Variants in ZNF12 observed in about 807,000 individuals in gnomAD.
The protein encoded by ZNF12 is gonadotropin inducible transcription repressor 3.
In ZNF12, 34 loss-of-function variants were observed where a neutral mutation model predicts 66.6. That is an observed-to-expected ratio of 0.51 (90% confidence interval 0.39 to 0.68). ZNF12 has a LOEUF of 0.68. Ranked by LOEUF, ZNF12 falls within the 30% of genes least tolerant of loss-of-function variation. ZNF12 has a pLI of 0.00. For missense variants in ZNF12, 697 were observed against 826.9 expected, an observed-to-expected ratio of 0.84 and a Z score of 1.93; for synonymous variants, 320 against 278.9, an observed-to-expected ratio of 1.15 and a Z score of -1.47.
intron 4 of ZNF12, among the ~76,000 whole-genome samples, chr7:6,694,001 T>C (rs1356889044): frequency 1.3e-5 from 2 of 151,708 alleles, no homozygotes; most frequent in Non-Finnish European, 2.9e-5. Context: ...AACCCTGCTC[T>C]ACTAAAAATA....
At position 6,706,790 on chromosome 7, in the gene ZNF12, A is replaced by G. The variant is rs2115359791; in HGVS notation, c.-409T>C. Reference sequence around the variant, plus strand: ...GGTCGTGCTCGGGGATCCCCGCTTGAGCCTCCGCCTGGCCCGCACAGCCCC... The same window carrying G: ...GGTCGTGCTCGGGGATCCCCGCTTGGGCCTCCGCCTGGCCCGCACAGCCCC... On this transcript the variant is annotated 5_prime_UTR_variant, in exon 1 of 5. Transcript: ENST00000405858. 2 of 250,834 alleles carry G rather than the reference A, an allele frequency of 8.0e-6. No individual in the cohort carries two copies. The highest frequency in any genetic ancestry group is 6.6e-5 in the South Asian group (2 of 30,196). The allele number at this position is 250,834 out of a possible 1,614,324, so 15.5% of individuals were successfully genotyped here.
intron 4 of ZNF12, among the ~76,000 whole-genome samples, chr7:6,695,072 C>T (rs192790686): frequency 2.0e-5 from 3 of 152,192 alleles, no homozygotes; most frequent in Admixed American, 6.5e-5. Context: ...TACAGGCATG[C>T]GCCACCAGGC....
intron 2 of ZNF12, among the ~76,000 whole-genome samples, chr7:6,702,911 G>T (rs71524070): frequency 1 from 903 of 906 alleles, 450 homozygotes; most frequent in East Asian, 1. Context: ...ACCCCCTAGA[G>T]TGGTGTCCCA....
rs763749034 is a variant in ZNF12, at chr7:6,697,827, G to A, written c.16-16C>T. On this transcript the variant is annotated splice_polypyrimidine_tract_variant and intron_variant, in intron 2 of 4. Transcript: ENST00000405858. The surrounding 1 kb of genome is among the most constrained non-coding windows in gnomAD (Gnocchi z 6.1). ...ACACTGGCCCCTGAAATGGCACCGT[G>A]ATTGGAATTGGGTGACGTGAAATAG... The A allele has an allele frequency of 1.2e-6, 2 of 1,614,026 alleles. No individual in the cohort carries two copies. The highest frequency in any genetic ancestry group is 1.7e-6 in the Non-Finnish European group (2 of 1,180,016).
At position 6,691,171 on chromosome 7, in the gene ZNF12, C is replaced by G; in HGVS notation, c.1771G>C (p.Ala591Pro). 6.2e-7 allele frequency: 1 copy of G among 1,613,888 alleles called. No individual in the cohort carries two copies. Among genetic ancestry groups the G allele is most frequent in the African/African-American group, 1.3e-5 (1 of 74,966 alleles). The change falls in exon 5 of 5, where the codon GCC becomes CCC. Residue 591 changes from alanine (A) to proline (P), a missense_variant. Transcript: ENST00000405858. ...ECGKTFCQNS[A>P]LNRHQRTHTG... is the part of the protein sequence containing the mutation. The stretch of plus-strand genomic sequence containing the variant: ...TGTGTTCTCTGATGTCGATTAAGGG[C>G]TGAATTCTGGCAGAAGGTTTTCCCA...
Position 6,705,526 on chromosome 7 carries a change from C to A in ZNF12, c.-50-303G>T, listed in dbSNP as rs1439883507. Among the ~76,000 whole-genome samples the A allele has an allele frequency of 6.6e-6, 1 of 152,188 alleles. No homozygotes were observed. Among genetic ancestry groups the A allele is most frequent in the Non-Finnish European group, 1.5e-5 (1 of 68,042 alleles). ...TTAAAAAGGAATTCTGGTGACCAGC[C>A]TGGCCAACATGGTGAAACCCCATGT... is the stretch of plus-strand genomic sequence containing the variant. On this transcript the variant is annotated intron_variant, in intron 1 of 4. Coordinates refer to ENST00000405858, the MANE Select transcript of ZNF12 (RefSeq NM_016265.4). This position sits in a 1 kb window ranked among gnomAD's most constrained non-coding sequence, Gnocchi z 4.0.
Position 6,691,502 on chromosome 7 carries a change from G to A in ZNF12, c.1440C>T (p.Leu480=), listed in dbSNP as rs753887914. 3.7e-6 allele frequency: 6 copies of A among 1,613,318 alleles called. No homozygotes were observed. Among genetic ancestry groups the A allele is most frequent in the African/African-American group, 2.7e-5 (2 of 74,662 alleles). The change falls in exon 5 of 5, where the codon CTC becomes CTT. Residue 480 remains leucine, a synonymous_variant. Transcript: ENST00000405858. ...CTGTGTGCACTCTCTGATGTCTCAT[G>A]AGGGCTGAATTCAGGTAGAAGGTTT... ...CGKTFYLNSA[L]MRHQRVHTGE...
rs1780363768 is a variant in ZNF12 at position 6,706,646 on chromosome 7, G to A, written c.-265C>T. 3 of 395,372 alleles carry A rather than the reference G, an allele frequency of 7.6e-6. No individual in the cohort carries two copies. The highest frequency in any genetic ancestry group is 2.1e-5 in the African/African-American group (1 of 46,602). The allele number at this position is 395,372 out of a possible 1,614,324, so 24.5% of individuals were successfully genotyped here. A position where few individuals can be genotyped will look rare whatever the true frequency, so the allele number is the denominator to read the frequency against. On this transcript the variant is annotated 5_prime_UTR_variant, in exon 1 of 5. Coordinates refer to ENST00000405858, the MANE Select transcript of ZNF12 (RefSeq NM_016265.4). ...TCTCCCTGGGGCTCACCGTCCTGCG[G>A]AGCCGGGGCCGGGCCGTCGAGGACG... is the stretch of plus-strand genomic sequence containing the variant.
At chr7:6,703,133 A>G (rs1049610001) in intron 2 of ZNF12, among the ~76,000 whole-genome samples, 1 of 152,046 alleles carries the variant, frequency 6.6e-6, no homozygotes, top group Non-Finnish European at 1.5e-5. Context: ...AACATCTGAA[A>G]CCTAATTCTG....
At chr7:6,700,117 C>T (rs563125268) in intron 2 of ZNF12, among the ~76,000 whole-genome samples, 1 of 151,808 alleles carries the variant, frequency 6.6e-6, no homozygotes, top group Non-Finnish European at 1.5e-5. Context: ...AACCCCGTCT[C>T]TACTAAAAAT....
At position 6,705,763 on chromosome 7, in the gene ZNF12, A is replaced by G. The variant is rs1184788337; in HGVS notation, c.-50-540T>C. Among the ~76,000 whole-genome samples the G allele has an allele frequency of 6.6e-6, 1 of 152,130 alleles. No homozygotes were observed. The highest frequency in any genetic ancestry group is 1.9e-4 in the East Asian group (1 of 5,200). On this transcript the variant is annotated intron_variant, in intron 1 of 4. Coordinates refer to ENST00000405858, the MANE Select transcript of ZNF12 (RefSeq NM_016265.4). The surrounding 1 kb of genome is among the most constrained non-coding windows in gnomAD (Gnocchi z 4.0). ...ACAAAAAACAAACAACAAAAAATGA[A>G]TTCTGTAATACTCATCTATTTTCTT...
Position 6,697,564 on chromosome 7 carries a change from G to A in ZNF12, c.142+121C>T. 6.5e-7 allele frequency: 1 copy of A among 1,532,546 alleles called. No homozygotes were observed. The highest frequency in any genetic ancestry group is 8.9e-7 in the Non-Finnish European group (1 of 1,121,566). The allele number at this position is 1,532,546 out of a possible 1,614,324, so 94.9% of individuals were successfully genotyped here. On this transcript the variant is annotated intron_variant, in intron 3 of 4. Transcript: ENST00000405858. The surrounding 1 kb of genome is among the most constrained non-coding windows in gnomAD (Gnocchi z 6.1). ...TCACGGGGGAGATCAAGACCAAAAT[G>A]CCCTGCCTGGTGCCCAAAAACAGAT...
At position 6,705,827 on chromosome 7, in the gene ZNF12, CTAAA is replaced by C. The variant is rs1340475110; in HGVS notation, c.-51+601_-51+604del. ...AAGATCAGAAAATCCACAGGATGCCCTAAATAAAGGAATACAGTCGGCATAATTG... is the reference window on the plus strand; with the variant it reads ...AAGATCAGAAAATCCACAGGATGCCCTAAAGGAATACAGTCGGCATAATTG... On this transcript the variant is annotated intron_variant, in intron 1 of 4. Transcript: ENST00000405858. This position sits in a 1 kb window ranked among gnomAD's most constrained non-coding sequence, Gnocchi z 4.0. Among the ~76,000 whole-genome samples the C allele has an allele frequency of 1.3e-5, 2 of 152,312 alleles. No homozygotes were observed. Among genetic ancestry groups the C allele is most frequent in the South Asian group, 4.1e-4 (2 of 4,826 alleles).
chr7:6,692,816 A>G lies in ZNF12; in HGVS notation c.239-113T>C. On this transcript the variant is annotated intron_variant, in intron 4 of 4. Transcript: ENST00000405858. The surrounding 1 kb of genome is among the most constrained non-coding windows in gnomAD (Gnocchi z 5.1). The stretch of plus-strand genomic sequence containing the variant: ...CTCATTGTGAGTAGATGCTAGCTTC[A>G]TGAACAGATGAAAATAATTCCAAGT... The G allele has an allele frequency of 9.7e-7, 1 of 1,032,722 alleles. No individual in the cohort carries two copies. Among genetic ancestry groups the G allele is most frequent in the Non-Finnish European group, 1.4e-6 (1 of 732,582 alleles). The allele number at this position is 1,032,722 out of a possible 1,614,324, so 64.0% of individuals were successfully genotyped here. A position where few individuals can be genotyped will look rare whatever the true frequency, so the allele number is the denominator to read the frequency against.
chr7:6,690,475 T>C lies in ZNF12; in HGVS notation c.*373A>G, dbSNP rs904158413. On this transcript the variant is annotated 3_prime_UTR_variant, in exon 5 of 5. Transcript: ENST00000405858. ...TCTTTTTTTTTTTTCAAGTTTGCTA[T>C]TGTATCAGAAACATATCTTTTAGTA... The C allele has an allele frequency of 1.9e-5, 3 of 159,890 alleles. No homozygotes were observed. The highest frequency in any genetic ancestry group is 7.2e-5 in the African/African-American group (3 of 41,724). The allele number at this position is 159,890 out of a possible 1,614,324, so 9.9% of individuals were successfully genotyped here.
chr7:6,688,751 G>C lies in ZNF12; in HGVS notation c.*2097C>G, dbSNP rs1409832931. ...ATGCTTAGCTATCAAGTAATCATGT[G>C]AGAGGAAACAGAATTAGATCCTTAC... On this transcript the variant is annotated 3_prime_UTR_variant, in exon 5 of 5. Transcript: ENST00000405858. This position sits in a 1 kb window ranked among gnomAD's most constrained non-coding sequence, Gnocchi z 4.3. 6.6e-6 allele frequency: 1 copy of C among 152,268 alleles called. No homozygotes were observed. The highest frequency in any genetic ancestry group is 1.5e-5 in the Non-Finnish European group (1 of 68,040). 9.4% of individuals were successfully genotyped at this position (152,268 alleles called of 1,614,324 possible). A position where few individuals can be genotyped will look rare whatever the true frequency, so the allele number is the denominator to read the frequency against.
In ZNF12 at chr7:6,696,329, G is replaced by C. The variant is rs1033543192; in HGVS notation, c.238+1010C>G. ...ACCACTATAGAAGAAGAAGAGATTA[G>C]TATAGTTTAGTAAATAAAGGGAGGT... On this transcript the variant is annotated intron_variant, in intron 4 of 4. Transcript: ENST00000405858. This position sits in a 1 kb window ranked among gnomAD's most constrained non-coding sequence, Gnocchi z 4.0. Among the ~76,000 whole-genome samples the C allele has an allele frequency of 6.6e-6, 1 of 152,194 alleles. No individual in the cohort carries two copies. The highest frequency in any genetic ancestry group is 6.5e-5 in the Admixed American group (1 of 15,282).
Position 6,702,848 on chromosome 7 carries a change from A to C in ZNF12, c.15+2311T>G, listed in dbSNP as rs7810581. ...CACACCCAGAGAGATATATCTCAAAATCCACACACACACACACACAACAGA... is the reference window on the plus strand; with the variant it reads ...CACACCCAGAGAGATATATCTCAAACTCCACACACACACACACACAACAGA... On this transcript the variant is annotated intron_variant, in intron 2 of 4. Coordinates refer to ENST00000405858, the MANE Select transcript of ZNF12 (RefSeq NM_016265.4). 6.2e-3 allele frequency among the ~76,000 whole-genome samples: 2 copies of C among 324 alleles called. 1 individual carries two copies. The highest frequency in any genetic ancestry group is 0.021 in the Non-Finnish European group (2 of 96). 0.2% of individuals were successfully genotyped at this position (324 alleles called of 152,430 possible). A position where few individuals can be genotyped will look rare whatever the true frequency, so the allele number is the denominator to read the frequency against.
At chr7:6,701,744 A>C (rs548310071) in intron 2 of ZNF12, among the ~76,000 whole-genome samples, 1 of 152,026 alleles carries the variant, frequency 6.6e-6, no homozygotes, top group Non-Finnish European at 1.5e-5. Flanking sequence ...GACACCTCCA[A>C]CTGTTTGCAT....
Sources: gnomAD v4.1 joint callset for allele counts (sites outside exome capture counted in the v4.1 genomes callset) on GRCh38, gnomAD v4.1.1 for gene constraint, Gnocchi (gnomAD v3.1) non-coding constraint, MANE v1.5 for transcripts, NCBI Gene and HGNC (gene_info 2026-07-23, HGNC 2026-07-21) for gene names.